Variants in MED30 observed in about 807,000 individuals in gnomAD.
MED30 encodes the protein mediator complex subunit 30.
A neutral mutation model predicts 21.7 loss-of-function variants in MED30; 8 were observed. That is an observed-to-expected ratio of 0.37 (90% CI 0.22 to 0.67). The LOEUF is 0.67. MED30 is among the 30% of genes least tolerant of loss of function. The probability of loss-of-function intolerance (pLI) is 0.58; values close to 1 mark genes in which losing one functional copy is unlikely to be tolerated. For missense variants in MED30, 203 were observed against 228.2 expected (o/e 0.89, Z 0.71); for synonymous variants, 79 against 86.7 (o/e 0.91, Z 0.49).
In MED30 at chr8:117,520,991, G is replaced by C. The variant is rs1321427911; in HGVS notation, c.115G>C (p.Glu39Gln). ...NTASLCRIGQ[E>Q]TVQDIVYRTM... ...GGCGTCGCTGTGCCGCATCGGGCAG[G>C]AGACAGTGCAGGACATCGTGTACCG... Residue 39 changes from glutamate (E) to glutamine (Q), a missense_variant, in exon 1 of 4, where the codon GAG becomes CAG. Glu to Gln is a conservative substitution (Grantham distance 29). Transcript: ENST00000297347. The C allele has an allele frequency of 1.2e-6, 2 of 1,613,120 alleles. No homozygotes were observed. The highest frequency in any genetic ancestry group is 1.7e-6 in the Non-Finnish European group (2 of 1,179,482).
At chr8:117,529,709 T>C (rs952438165) in intron 2 of MED30, among the ~76,000 whole-genome samples, 25 of 151,686 alleles carry the variant, frequency 1.6e-4, no homozygotes, top group African/African-American at 6.0e-4. Context: ...AATCGAAGGT[T>C]TGCAGGAGGA....
chr8:117,540,050 A>T lies in MED30; in HGVS notation c.*72A>T. On this transcript the variant is annotated 3_prime_UTR_variant, in exon 4 of 4. Coordinates refer to ENST00000297347, the MANE Select transcript of MED30 (RefSeq NM_080651.4). ...TTCCCTCAAGTATTTTTTCCCTGTG[A>T]AGAAGATTATTTATCTGCTTTTATT... 4 of 839,928 alleles carry T rather than the reference A, an allele frequency of 4.8e-6. No homozygotes were observed. The highest frequency in any genetic ancestry group is 7.1e-6 in the Non-Finnish European group (4 of 560,946). 52.0% of individuals were successfully genotyped at this position (839,928 alleles called of 1,614,324 possible).
chr8:117,523,422 T>C, intron 1 of MED30: 2 of 1,563,348 alleles, frequency 1.3e-6, no homozygotes, highest in Non-Finnish European at 1.8e-6. Context: ...GTCTTGCAGG[T>C]CGCTCACCCT....
Position 117,540,135 on chromosome 8 carries a change from C to CT in MED30, c.*164dup, listed in dbSNP as rs57267838. On this transcript the variant is annotated 3_prime_UTR_variant, in exon 4 of 4. Coordinates refer to ENST00000297347, the MANE Select transcript of MED30 (RefSeq NM_080651.4). Reference sequence around the variant, plus strand: ...TGTGATTTTTACATTAAAATATTAACTTTTTTTAATGCTATTTTATGAAAG... The same window carrying CT: ...TGTGATTTTTACATTAAAATATTAACTTTTTTTTAATGCTATTTTATGAAAG... 5 of 427,556 alleles carry CT rather than the reference C, an allele frequency of 1.2e-5. No homozygotes were observed. The highest frequency in any genetic ancestry group is 1.1e-4 in the African/African-American group (5 of 47,606). 26.5% of individuals were successfully genotyped at this position (427,556 alleles called of 1,614,324 possible).
intron 3 of MED30, among the ~76,000 whole-genome samples, chr8:117,532,944 A>G (rs979654205): frequency 2.0e-4 from 30 of 152,020 alleles, no homozygotes; most frequent in Admixed American, 3.3e-4. Context: ...ATAAATATGT[A>G]TTACCTCAAT....
intron 1 of MED30, chr8:117,523,779 T>C (rs1011432609): frequency 1.1e-5 from 9 of 832,002 alleles, no homozygotes; most frequent in East Asian, 2.7e-5. Context: ...GAGGCCGAGG[T>C]GGGCGGATCA....
chr8:117,536,285 G>A (rs1193314284), intron 3 of MED30, among the ~76,000 whole-genome samples: 1 of 152,132 alleles, frequency 6.6e-6, no homozygotes, highest in Admixed American at 6.5e-5. Context: ...CAAAAGTATT[G>A]TGCCATATTT....
chr8:117,536,378 C>T (rs1818877813), intron 3 of MED30, among the ~76,000 whole-genome samples: 1 of 152,110 alleles, frequency 6.6e-6, no homozygotes, highest in South Asian at 2.1e-4. Context: ...TATTTGCATT[C>T]AATTAAAAAG....
intron 3 of MED30, among the ~76,000 whole-genome samples, chr8:117,531,617 T>C (rs1021950493): frequency 2.0e-5 from 3 of 151,978 alleles, no homozygotes; most frequent in Non-Finnish European, 4.4e-5. Context: ...TTTTCTCACA[T>C]GTCTAAAAGA....
chr8:117,528,589 AT>A (rs1353630279), intron 1 of MED30, 61 bp from the exon 2 acceptor site: 9 of 1,444,106 alleles, frequency 6.2e-6, no homozygotes, highest in Non-Finnish European at 7.4e-6. Context: ...GGCTTTACTT[AT>A]AGAAAATCTT....
At chr8:117,526,691 C>T (rs895801341) in intron 1 of MED30, among the ~76,000 whole-genome samples, 3 of 151,950 alleles carry the variant, frequency 2.0e-5, no homozygotes, top group African/African-American at 7.2e-5. Flanking sequence ...CCTTGTCTCT[C>T]TGATGTTTAC....
At chr8:117,539,599 T>C (rs1355378026) in intron 3 of MED30, among the ~76,000 whole-genome samples, 1 of 152,164 alleles carries the variant, frequency 6.6e-6, no homozygotes, top group Non-Finnish European at 1.5e-5. Context: ...AACAAATAAA[T>C]GTTTAGCTGA....
intron 3 of MED30, among the ~76,000 whole-genome samples, chr8:117,531,555 G>T (rs1012600300): frequency 6.6e-6 from 1 of 151,932 alleles, no homozygotes; most frequent in African/African-American, 2.4e-5. Context: ...AGATTTTATA[G>T]TTCAGTTTGT....
rs969364192 is a variant in MED30, at chr8:117,524,943, A to G, written c.178-3708A>G. On this transcript the variant is annotated intron_variant, in intron 1 of 3. Transcript: ENST00000297347. The stretch of plus-strand genomic sequence containing the variant: ...CTCCCTTATCCTTTTTATAGTGTAT[A>G]GTTTACACTGCATGGAAATACTGTA... 6.6e-5 allele frequency among the ~76,000 whole-genome samples: 10 copies of G among 152,166 alleles called. No homozygotes were observed. The East Asian group carries it at 1.5e-3, about 23-fold the overall frequency.
Position 117,520,960 on chromosome 8 carries a change from C to G in MED30, c.84C>G (p.Val28=), listed in dbSNP as rs1214490110. Reference sequence around the variant, plus strand: ...AGGCTCAGCAGGCCGCCCGGGAAGTCAACACGGCGTCGCTGTGCCGCATCG... The same window carrying G: ...AGGCTCAGCAGGCCGCCCGGGAAGTGAACACGGCGTCGCTGTGCCGCATCG... ...GPQAQQAARE[V]NTASLCRIGQ... Residue 28 remains valine, a synonymous_variant, in exon 1 of 4, where the codon GTC becomes GTG. Coordinates refer to ENST00000297347, the MANE Select transcript of MED30 (RefSeq NM_080651.4). 6.2e-7 allele frequency: 1 copy of G among 1,612,918 alleles called. No homozygotes were observed. Among genetic ancestry groups the G allele is most frequent in the Non-Finnish European group, 8.5e-7 (1 of 1,179,488 alleles).
intron 3 of MED30, among the ~76,000 whole-genome samples, chr8:117,538,745 T>C (rs1447312421): frequency 2.0e-5 from 3 of 152,186 alleles, no homozygotes; most frequent in Non-Finnish European, 2.9e-5. Context: ...GAAAGAATGG[T>C]TAAAAAGAAG....
chr8:117,534,206 A>C (rs1367446386), intron 3 of MED30, among the ~76,000 whole-genome samples: 1 of 151,964 alleles, frequency 6.6e-6, no homozygotes, highest in Non-Finnish European at 1.5e-5. Flanking sequence ...TTGCATGCCC[A>C]GGCCTTCTCT....
rs1281037661 is a variant in MED30 at position 117,540,058 on chromosome 8, T to G, written c.*80T>G. 5.5e-6 allele frequency: 4 copies of G among 727,552 alleles called. No homozygotes were observed. In the African/African-American group the frequency reaches 5.6e-5, roughly 10 times the overall value. 45.1% of individuals were successfully genotyped at this position (727,552 alleles called of 1,614,324 possible). On this transcript the variant is annotated 3_prime_UTR_variant, in exon 4 of 4. Coordinates refer to ENST00000297347, the MANE Select transcript of MED30 (RefSeq NM_080651.4). ...AGTATTTTTTCCCTGTGAAGAAGAT[T>G]ATTTATCTGCTTTTATTTTAGTCAC...
At chr8:117,523,335 A>C in intron 1 of MED30, 7 of 1,465,748 alleles carry the variant, frequency 4.8e-6, no homozygotes, top group Non-Finnish European at 6.6e-6. Context: ...ACCCAGCCCC[A>C]GTCTCGGCTT....
Sources: allele counts gnomAD v4.1 joint callset (sites outside exome capture counted in the v4.1 genomes callset), GRCh38; gene constraint gnomAD v4.1.1; transcripts MANE v1.5; gene names NCBI Gene and HGNC (gene_info 2026-07-23, HGNC 2026-07-21).